EIF4G3: variants seen among roughly 807,000 people sequenced by gnomAD.
EIF4G3 encodes the protein eukaryotic translation initiation factor 4 gamma 3.
Under a neutral mutation model 186.4 loss-of-function variants are expected in EIF4G3, and 34 were observed. That is an observed-to-expected ratio of 0.18 (90% CI 0.14 to 0.24). The LOEUF is 0.24. EIF4G3 is among the 10% of genes least tolerant of loss of function. The pLI is 1.00. For missense variants in EIF4G3, 1,536 were observed against 1,948.5 expected (o/e 0.79, Z 3.99); for synonymous variants, 673 against 679.5 (o/e 0.99, Z 0.15).
intron 4 of EIF4G3, among the ~76,000 whole-genome samples, chr1:21,006,915 G>A (rs1197644747): frequency 6.6e-6 from 1 of 152,116 alleles, no homozygotes; most frequent in Non-Finnish European, 1.5e-5. Context: ...CATTTATACA[G>A]CTTTTACTAG....
chr1:21,087,511 T>C (rs1224156736), intron 3 of EIF4G3, among the ~76,000 whole-genome samples: 1 of 152,142 alleles, frequency 6.6e-6, no homozygotes, highest in Admixed American at 6.5e-5. Flanking sequence ...AAAAATTAAA[T>C]GGGCTGGGCA....
chr1:20,862,015 G>T (rs1040031013), intron 23 of EIF4G3, among the ~76,000 whole-genome samples: 1 of 151,950 alleles, frequency 6.6e-6, no homozygotes, highest in African/African-American at 2.4e-5. Context: ...AATATGGTTT[G>T]ATAATCAGAA....
chr1:21,043,499 A>C (rs1288374891), intron 4 of EIF4G3, among the ~76,000 whole-genome samples: 1 of 152,232 alleles, frequency 6.6e-6, no homozygotes, highest in Non-Finnish European at 1.5e-5. Context: ...AAATAAATGG[A>C]ATTCTTTTCG....
intron 2 of EIF4G3, among the ~76,000 whole-genome samples, chr1:21,115,204 A>G (rs2096795589): frequency 6.6e-6 from 1 of 152,122 alleles, no homozygotes; most frequent in Non-Finnish European, 1.5e-5. Context: ...ATTTCTAGCT[A>G]TTGTAAAGTG....
chr1:20,904,597 C>T (rs1378969936), intron 15 of EIF4G3, among the ~76,000 whole-genome samples: 1 of 152,164 alleles, frequency 6.6e-6, no homozygotes, highest in Admixed American at 6.5e-5. Context: ...ATCATCCTGC[C>T]TTCACCTCAC....
chr1:21,127,909 T>G (rs994609141), intron 2 of EIF4G3, among the ~76,000 whole-genome samples: 5 of 151,982 alleles, frequency 3.3e-5, no homozygotes, highest in Middle Eastern at 3.2e-3. Flanking sequence ...GGAAATAAAT[T>G]AAAAGTTTCA....
At chr1:20,883,946 AAG>A (rs1429105942) in intron 19 of EIF4G3, among the ~76,000 whole-genome samples, 1 of 152,190 alleles carries the variant, frequency 6.6e-6, no homozygotes, top group Non-Finnish European at 1.5e-5. Flanking sequence ...AGAAAGAAGA[AAG>A]AGAATGCAGG....
intron 14 of EIF4G3, among the ~76,000 whole-genome samples, chr1:20,935,171 T>C (rs931707044): frequency 6.6e-6 from 1 of 152,182 alleles, no homozygotes; most frequent in Non-Finnish European, 1.5e-5. Flanking sequence ...GAAAGATTAA[T>C]AGAAACATGA....
At chr1:20,939,191 A>C (rs931547747) in intron 14 of EIF4G3, among the ~76,000 whole-genome samples, 4 of 151,436 alleles carry the variant, frequency 2.6e-5, no homozygotes, top group Non-Finnish European at 5.9e-5. Flanking sequence ...GAAGACTATT[A>C]AGATGTACAA....
intron 14 of EIF4G3, among the ~76,000 whole-genome samples, chr1:20,915,880 T>C (rs1308566638): frequency 6.6e-6 from 1 of 152,074 alleles, no homozygotes; most frequent in Non-Finnish European, 1.5e-5. Flanking sequence ...TCAAGAGAAA[T>C]AAAGGGTGCA....
intron 5 of EIF4G3, 56 bp downstream of exon 5, chr1:21,002,657 T>C: frequency 6.3e-7 from 1 of 1,575,106 alleles, no homozygotes; most frequent in Non-Finnish European, 8.6e-7. Context: ...CCCAAGCCAC[T>C]ACACACACAA....
intron 4 of EIF4G3, among the ~76,000 whole-genome samples, chr1:21,035,386 C>A (rs1276915693): frequency 2.0e-5 from 3 of 152,222 alleles, no homozygotes; most frequent in African/African-American, 7.2e-5. Flanking sequence ...ACAGCTCCAG[C>A]CACTCAGGTC....
At chr1:20,865,638 A>G (rs2077396156) in intron 20 of EIF4G3, among the ~76,000 whole-genome samples, 1 of 152,036 alleles carries the variant, frequency 6.6e-6, no homozygotes, top group African/African-American at 2.4e-5. Context: ...TTGGTTTAAT[A>G]GAACACACAA....
chr1:20,887,851 G>A (rs1281714695), intron 18 of EIF4G3, among the ~76,000 whole-genome samples: 2 of 152,032 alleles, frequency 1.3e-5, no homozygotes, highest in Non-Finnish European at 2.9e-5. Context: ...AGAAAAATGT[G>A]GTAATCAAGT....
rs371953478 is a variant in EIF4G3, at chr1:21,051,009, A to G, written c.-195-15T>C. 9.2e-5 allele frequency: 66 copies of G among 717,332 alleles called. No individual in the cohort carries two copies. The highest frequency in any genetic ancestry group is 5.6e-4 in the South Asian group (38 of 67,556). 44.4% of individuals were successfully genotyped at this position (717,332 alleles called of 1,614,324 possible). A position where few individuals can be genotyped will look rare whatever the true frequency, so the allele number is the denominator to read the frequency against. On this transcript the variant is annotated splice_polypyrimidine_tract_variant and intron_variant, in intron 3 of 36. Transcript: ENST00000602326. ...ACTTGTGTTACCTGTGAGGAAATCA[A>G]TATTTAGTAAGAACATTATATTAGT... is the stretch of plus-strand genomic sequence containing the variant.
At chr1:20,812,593 T>C (rs1003431955) in intron 35 of EIF4G3, among the ~76,000 whole-genome samples, 5 of 152,190 alleles carry the variant, frequency 3.3e-5, no homozygotes, top group East Asian at 1.9e-4. Flanking sequence ...GATGTCTTCA[T>C]TGAATAATGT....
chr1:20,935,152 A>G (rs2095478455), intron 14 of EIF4G3, among the ~76,000 whole-genome samples: 1 of 152,190 alleles, frequency 6.6e-6, no homozygotes, highest in Non-Finnish European at 1.5e-5. Context: ...GTATTGACAT[A>G]CCATCTCTGA....
intron 18 of EIF4G3, chr1:20,892,868 C>A (rs1392125487): frequency 1.9e-5 from 12 of 618,380 alleles, no homozygotes; most frequent in Non-Finnish European, 3.4e-5. Context: ...GAGACAGGGT[C>A]TTGCTTTGTC....
intron 2 of EIF4G3, among the ~76,000 whole-genome samples, chr1:21,135,118 T>C (rs1481954447): frequency 6.6e-6 from 1 of 152,206 alleles, no homozygotes; most frequent in Non-Finnish European, 1.5e-5. Flanking sequence ...GCAAATGCCT[T>C]TTGTAACAGA....
Sources: allele counts gnomAD v4.1 joint callset (sites outside exome capture counted in the v4.1 genomes callset), GRCh38; gene constraint gnomAD v4.1.1; transcripts MANE v1.5; gene names NCBI Gene and HGNC (gene_info 2026-07-23, HGNC 2026-07-21).